The following CCDC171 variants were observed in gnomAD, a reference collection of about 807,000 sequenced individuals.
The protein encoded by CCDC171 is coiled-coil domain-containing protein 171.
A neutral mutation model predicts 168.2 loss-of-function variants in CCDC171; 177 were observed. The ratio of observed to expected loss-of-function variants is 1.05; its 90% CI spans 0.93 to 1.19. The LOEUF (loss-of-function observed/expected upper bound fraction) is 1.19. Ranked by LOEUF, CCDC171 falls within the 50% of genes most tolerant of loss-of-function variation. The pLI, the probability that CCDC171 is intolerant of heterozygous loss-of-function variation, is 0.00. For synonymous variants in CCDC171, 687 were observed against 540.8 expected, an observed-to-expected ratio of 1.27 and a Z score of -3.75; for missense variants, 1,991 against 1,539.0, an observed-to-expected ratio of 1.29 and a Z score of -4.91.
intron 24 of CCDC171, among the ~76,000 whole-genome samples, chr9:15,879,040 A>G (rs1818243350): frequency 6.6e-6 from 1 of 152,142 alleles, no homozygotes; most frequent in African/African-American, 2.4e-5. Context: ...CTGGGTGACA[A>G]AGTAATCTGT....
At chr9:16,029,727 A>C (rs1175576220) in intron 6 of CCDC171, among the ~76,000 whole-genome samples, 1 of 152,206 alleles carries the variant, frequency 6.6e-6, no homozygotes, top group Non-Finnish European at 1.5e-5. Flanking sequence ...TGGAGCTAGA[A>C]GGAGAAAGAC....
At chr9:15,636,097 A>G (rs2046180654) in intron 7 of CCDC171, among the ~76,000 whole-genome samples, 1 of 152,142 alleles carries the variant, frequency 6.6e-6, no homozygotes, top group Admixed American at 6.5e-5. Context: ...CTTTGGAGAA[A>G]TAGCTATTTA....
In CCDC171 at chr9:15,617,437, C is replaced by T. The variant is rs531274119; in HGVS notation, c.676-5830C>T. Among the ~76,000 whole-genome samples, 7 of 148,594 alleles carry T rather than the reference C, an allele frequency of 4.7e-5. No homozygotes were observed. In the South Asian group the frequency reaches 6.4e-4, roughly 14 times the overall value. On this transcript the variant is annotated intron_variant, in intron 6 of 25. Transcript: ENST00000380701. Reference sequence around the variant, plus strand: ...TGTCACCCAGGCTGGAATGCAGTGGCGTGATCTCGGCTCACTGCAAGCTCC... The same window carrying T: ...TGTCACCCAGGCTGGAATGCAGTGGTGTGATCTCGGCTCACTGCAAGCTCC...
intron 3 of CCDC171, among the ~76,000 whole-genome samples, chr9:15,983,405 C>A (rs7031801): frequency 0.076 from 11,555 of 151,582 alleles, 1,441 homozygotes; most frequent in African/African-American, 0.26. Context: ...TAACTTATTT[C>A]TCATACTCTC....
chr9:15,887,726 C>T (rs753128574), intron 24 of CCDC171: 1 of 152,032 alleles, frequency 6.6e-6, no homozygotes, highest in African/African-American at 2.4e-5. Flanking sequence ...AATAAATTCT[C>T]ATAATAATTT....
chr9:15,949,420 C>T (rs1217626469), intron 25 of CCDC171, among the ~76,000 whole-genome samples: 1 of 152,088 alleles, frequency 6.6e-6, no homozygotes, highest in African/African-American at 2.4e-5. Context: ...GGCAGTATGG[C>T]CATTTTCACG....
At chr9:15,967,597 G>T (rs1297423559) in intron 25 of CCDC171, among the ~76,000 whole-genome samples, 5 of 152,116 alleles carry the variant, frequency 3.3e-5, no homozygotes, top group African/African-American at 7.2e-5. Flanking sequence ...AATTATGGCA[G>T]ACCTGTAGAA....
chr9:15,554,413 A>G (rs1371825032), intron 1 of CCDC171, among the ~76,000 whole-genome samples: 1 of 152,192 alleles, frequency 6.6e-6, no homozygotes. Context: ...TGCAGAGGAA[A>G]CAAAGGCAGT....
intron 1 of CCDC171, among the ~76,000 whole-genome samples, chr9:16,052,954 A>G (rs1049634508): frequency 8.5e-5 from 13 of 152,170 alleles, no homozygotes; most frequent in Admixed American, 2.6e-4. Flanking sequence ...CACTGCTGAC[A>G]GATGGACTTC....
chr9:15,709,652 A>G (rs2052508234), intron 11 of CCDC171, among the ~76,000 whole-genome samples: 1 of 152,186 alleles, frequency 6.6e-6, no homozygotes, highest in Non-Finnish European at 1.5e-5. Flanking sequence ...CTGCATTTAA[A>G]TATATTTTTG....
chr9:15,812,071 G>C (rs2059380079), intron 21 of CCDC171, among the ~76,000 whole-genome samples: 1 of 152,134 alleles, frequency 6.6e-6, no homozygotes, highest in African/African-American at 2.4e-5. Context: ...ACTCTGGTTT[G>C]AACAAGGTAT....
intron 9 of CCDC171, among the ~76,000 whole-genome samples, chr9:15,670,808 G>C (rs1398922914): frequency 6.6e-6 from 1 of 151,954 alleles, no homozygotes; most frequent in East Asian, 1.9e-4. Flanking sequence ...TTGCTGTCTT[G>C]TCAGTGCCTA....
At chr9:15,772,438 T>C (rs1335098126) in intron 18 of CCDC171, among the ~76,000 whole-genome samples, 2 of 152,222 alleles carry the variant, frequency 1.3e-5, no homozygotes, top group East Asian at 3.9e-4. Context: ...CTATAGTGTT[T>C]GCCTCCACAG....
chr9:16,029,852 C>T (rs1833338803), intron 6 of CCDC171, among the ~76,000 whole-genome samples: 1 of 152,168 alleles, frequency 6.6e-6, no homozygotes, highest in Admixed American at 6.5e-5. Context: ...AGCTCCTTGC[C>T]AACTGGGACT....
At chr9:16,079,005 C>T in the CCDC171 span, among the ~76,000 whole-genome samples, 1 of 152,168 alleles carries the variant, frequency 6.6e-6, no homozygotes, top group Non-Finnish European at 1.5e-5. Context: ...GGAAAATAGA[C>T]CAAGGAGGTA....
chr9:16,086,800 A>T, the CCDC171 span, among the ~76,000 whole-genome samples: 5 of 151,948 alleles, frequency 3.3e-5, no homozygotes, highest in Non-Finnish European at 2.9e-5. Context: ...TTTAATTGTG[A>T]TGTTAGGGTT....
At chr9:15,743,138 C>CTTTTTTTTTTTTTTTTTTTT (rs66642691) in intron 16 of CCDC171, among the ~76,000 whole-genome samples, 1 of 73,264 alleles carries the variant, frequency 1.4e-5, no homozygotes, top group African/African-American at 5.7e-5. Context: ...CTGTTACCTT[C>CTTTTTTTTTTTTTTTTTTTT]TTTTTTTTTT....
chr9:15,875,359 T>C (rs531482256), intron 24 of CCDC171: 52 of 152,138 alleles, frequency 3.4e-4, no homozygotes, highest in African/African-American at 1.2e-3. Context: ...CCTTCTATTT[T>C]ATGTCACTAT....
At chr9:15,563,396 C>T (rs142042889) in intron 1 of CCDC171, among the ~76,000 whole-genome samples, 1 of 152,188 alleles carries the variant, frequency 6.6e-6, no homozygotes, top group African/African-American at 2.4e-5. Flanking sequence ...CCTCTGCCTC[C>T]CAAAGTGCTG....
Sources: allele counts gnomAD v4.1 joint callset (sites outside exome capture counted in the v4.1 genomes callset), GRCh38; gene constraint gnomAD v4.1.1; transcripts MANE v1.5; gene names NCBI Gene and HGNC (gene_info 2026-07-23, HGNC 2026-07-21).